Variants in KCNN2 observed in about 807,000 individuals in gnomAD.
KCNN2 encodes small conductance calcium-activated potassium channel protein 2.
In KCNN2, 24 loss-of-function variants were observed where a neutral mutation model predicts 55.5. The observed-to-expected ratio is 0.43, with a 90% confidence interval of 0.31 to 0.61. The LOEUF is 0.61. Among genes scored for constraint, KCNN2 ranks in the 20% least tolerant of loss-of-function variants. KCNN2 has a pLI of 0.08. For synonymous variants in KCNN2, 431 were observed against 336.1 expected (o/e 1.28, Z -3.09); for missense variants, 754 against 853.6 (o/e 0.88, Z 1.45).
chr5:114,182,235 CTTT>C (rs1300183596), intron 1 of KCNN2, among the ~76,000 whole-genome samples: 1 of 151,778 alleles, frequency 6.6e-6, no homozygotes, highest in Non-Finnish European at 1.5e-5. Context: ...TTCTCTACTT[CTTT>C]GTTTCATTGA....
chr5:114,462,955 A>C, intron 3 of KCNN2, 94 bp from the exon 4 acceptor site: 2 of 1,184,056 alleles, frequency 1.7e-6, no homozygotes, highest in South Asian at 3.0e-5. Flanking sequence ...AGTTTATAGA[A>C]GATACAGTAA....
At chr5:114,443,956 T>C (rs1356361556) in intron 3 of KCNN2, among the ~76,000 whole-genome samples, 5 of 152,344 alleles carry the variant, frequency 3.3e-5, no homozygotes, top group Non-Finnish European at 5.9e-5. Context: ...AATTGGACTT[T>C]TCATTCTAAG....
intron 2 of KCNN2, among the ~76,000 whole-genome samples, chr5:114,375,960 A>ATATATATATATATATATATATATATG (rs1757919189): frequency 7.0e-6 from 1 of 142,850 alleles, no homozygotes; most frequent in Non-Finnish European, 1.5e-5. Flanking sequence ...GTGTATATAT[A>ATATATATATATATATATATATATATG]TATATATATA....
At chr5:114,131,171 A>G (rs1365459783) in intron 1 of KCNN2, among the ~76,000 whole-genome samples, 6 of 151,996 alleles carry the variant, frequency 3.9e-5, no homozygotes, top group Admixed American at 3.9e-4. Flanking sequence ...CAGGATGTGC[A>G]GGTTTGTTAA....
chr5:114,229,536 T>C (rs1317159927), intron 2 of KCNN2, among the ~76,000 whole-genome samples: 1 of 152,030 alleles, frequency 6.6e-6, no homozygotes, highest in East Asian at 1.9e-4. Flanking sequence ...CTGTTTGTGA[T>C]TATTTGATTT....
chr5:114,374,094 T>A lies in KCNN2; in HGVS notation c.1218+10093T>A, dbSNP rs563562733. Among the ~76,000 whole-genome samples the A allele has an allele frequency of 4.6e-5, 7 of 152,186 alleles. No homozygotes were observed. In the South Asian group the frequency reaches 6.2e-4, roughly 14 times the overall value. Reference sequence around the variant, plus strand: ...GGTACTATGATGTTAGGCTGACAGTTTGCACCAAAATGGCCATTTTCCACA... The same window carrying A: ...GGTACTATGATGTTAGGCTGACAGTATGCACCAAAATGGCCATTTTCCACA... On this transcript the variant is annotated intron_variant, in intron 2 of 7. Transcript: ENST00000673685.
At chr5:114,374,975 G>A (rs539705416) in intron 2 of KCNN2, among the ~76,000 whole-genome samples, 4 of 152,158 alleles carry the variant, frequency 2.6e-5, no homozygotes, top group African/African-American at 7.2e-5. Context: ...GGAGGCTTTC[G>A]TTTTCCAGGG....
At chr5:114,355,657 T>C (rs1757282130) in intron 2 of KCNN2, among the ~76,000 whole-genome samples, 1 of 152,060 alleles carries the variant, frequency 6.6e-6, no homozygotes, top group African/African-American at 2.4e-5. Flanking sequence ...TCTGCCAGAG[T>C]AGGAGCCAAG....
chr5:114,415,982 C>T (rs1451573692), intron 3 of KCNN2, among the ~76,000 whole-genome samples: 1 of 152,186 alleles, frequency 6.6e-6, no homozygotes, highest in African/African-American at 2.4e-5. Context: ...GCTTAACTCC[C>T]TTGTTCAGTT....
intron 1 of KCNN2, among the ~76,000 whole-genome samples, chr5:114,203,380 T>G (rs1159360148): frequency 1.3e-5 from 2 of 152,172 alleles, no homozygotes; most frequent in Non-Finnish European, 2.9e-5. Context: ...GCTCACAATC[T>G]CATCTAAATT....
At chr5:114,462,980 A>G (rs1761276265) in intron 3 of KCNN2, 69 bp from the exon 4 acceptor site, 1 of 1,462,678 alleles carries the variant, frequency 6.8e-7, no homozygotes, top group African/African-American at 1.4e-5. Flanking sequence ...GTTGAATTGA[A>G]CCAAACCACA....
chr5:114,060,191 T>C (rs1460929171), intron 1 of KCNN2, among the ~76,000 whole-genome samples: 1 of 152,256 alleles, frequency 6.6e-6, no homozygotes, highest in African/African-American at 2.4e-5. Flanking sequence ...CCAATACCTC[T>C]GCAATGCCCT....
chr5:114,431,704 A>G (rs1356683070), intron 3 of KCNN2, among the ~76,000 whole-genome samples: 3 of 152,106 alleles, frequency 2.0e-5, no homozygotes, highest in South Asian at 2.1e-4. Flanking sequence ...CTTTTCTAAT[A>G]TATGTGTTCA....
rs186413812 is a variant in KCNN2, at chr5:114,409,744, G to A, written c.1637+4888G>A. 3.7e-3 allele frequency among the ~76,000 whole-genome samples: 567 copies of A among 152,212 alleles called. 4 individuals are homozygous for A. The highest frequency in any genetic ancestry group is 6.0e-3 in the Admixed American group (91 of 15,292). On this transcript the variant is annotated intron_variant, in intron 3 of 7. Transcript: ENST00000673685. ...AGCACAAGATTCAGGATTTCTATAA[G>A]TTTCTAGAAATTGTTCTGTATTAAT...
chr5:114,241,824 G>GTGTGTATATATATA (rs1180310046), intron 2 of KCNN2, among the ~76,000 whole-genome samples: 7 of 31,952 alleles, frequency 2.2e-4, no homozygotes, highest in South Asian at 1.5e-3. Context: ...ATATATGTGT[G>GTGTGTATATATATA]TATATATATA....
chr5:114,168,031 T>C (rs1292609683), intron 1 of KCNN2, among the ~76,000 whole-genome samples: 1 of 152,114 alleles, frequency 6.6e-6, no homozygotes, highest in Non-Finnish European at 1.5e-5. Flanking sequence ...ATGTGAGTAG[T>C]ATACCATTGT....
intron 1 of KCNN2, among the ~76,000 whole-genome samples, chr5:114,125,990 T>C (rs2954361): frequency 0.075 from 11,421 of 152,140 alleles, 1,431 homozygotes; most frequent in African/African-American, 0.26. Context: ...TAACAAAGGG[T>C]ATCCTTCCTA....
chr5:114,251,693 G>C (rs902018254), intron 2 of KCNN2, among the ~76,000 whole-genome samples: 1 of 151,942 alleles, frequency 6.6e-6, no homozygotes, highest in Non-Finnish European at 1.5e-5. Context: ...GTTATATTTT[G>C]CATCTTCTCA....
intron 1 of KCNN2, among the ~76,000 whole-genome samples, chr5:114,082,654 A>G (rs1456454788): frequency 2.0e-5 from 3 of 152,232 alleles, no homozygotes; most frequent in Non-Finnish European, 4.4e-5. Flanking sequence ...ACAATAGCTA[A>G]AATGAGGAAG....
Sources: gnomAD v4.1 joint callset for allele counts (sites outside exome capture counted in the v4.1 genomes callset) on GRCh38, gnomAD v4.1.1 for gene constraint, MANE v1.5 for transcripts, NCBI Gene and HGNC (gene_info 2026-07-23, HGNC 2026-07-21) for gene names.